HSBP1: variants seen among roughly 807,000 people sequenced by gnomAD.
HSBP1 encodes heat shock factor binding protein 1, also known as heat shock factor-binding protein 1.
A neutral mutation model predicts 9.6 loss-of-function variants in HSBP1; 5 were observed. The observed-to-expected ratio is 0.52, with a 90% CI of 0.27 to 1.09. The LOEUF is 1.09. Among genes scored for constraint, HSBP1 ranks in the 50% least tolerant of loss-of-function variants. HSBP1 has a pLI of 0.11. For missense variants in HSBP1, 121 were observed against 96.3 expected, an observed-to-expected ratio of 1.26 and a Z score of -1.07; for synonymous variants, 42 against 33.3, an observed-to-expected ratio of 1.26 and a Z score of -0.90.
rs912856839 is a variant in HSBP1, at chr16:83,809,314, T to C, written c.122T>C (p.Met41Thr). The C allele has an allele frequency of 6.3e-7, 1 of 1,588,004 alleles. No homozygotes were observed. The highest frequency in any genetic ancestry group is 8.6e-7 in the Non-Finnish European group (1 of 1,164,546). Reference protein sequence around the residue: ...SDQIIGRIDDMSSRIDDLEKN... With the variant: ...SDQIIGRIDDTSSRIDDLEKN... ...TCTTTAACTTCAGCACTTGATGATA[T>C]GAGTAGTCGCATTGATGATCTGGAA... Residue 41 changes from methionine to threonine, a missense_variant, in exon 3 of 4, where the codon ATG becomes ACG. Physicochemically the swap from Met to Thr is moderately conservative, Grantham distance 81 (BLOSUM62 -1). Transcript: ENST00000433866.
chr16:83,807,979 G>C lies in HSBP1; in HGVS notation c.-98G>C. 2 of 1,115,300 alleles carry C rather than the reference G, an allele frequency of 1.8e-6. No homozygotes were observed. Among genetic ancestry groups the C allele is most frequent in the South Asian group, 1.5e-5 (1 of 65,670 alleles). 69.1% of individuals were successfully genotyped at this position (1,115,300 alleles called of 1,614,324 possible). On this transcript the variant is annotated 5_prime_UTR_variant, in exon 1 of 4. Transcript: ENST00000433866. ...TGCCCCGCGGTCCCGCGAGCTGCCAGTCTCGTCGCGAGAAGCAGCGGCCCG... is the reference window on the plus strand; with the variant it reads ...TGCCCCGCGGTCCCGCGAGCTGCCACTCTCGTCGCGAGAAGCAGCGGCCCG...
chr16:83,818,390 C>G lies in HSBP1; in HGVS notation c.*6972C>G, dbSNP rs1904767529. On this transcript the variant is annotated 3_prime_UTR_variant, in exon 4 of 4. Coordinates refer to ENST00000433866, the MANE Select transcript of HSBP1 (RefSeq NM_001537.4). Reference sequence around the variant, plus strand: ...CACTGACCCCAGACATTGTTCCCTGCCATCCACTCTGCCAGACATTTCTTG... The same window carrying G: ...CACTGACCCCAGACATTGTTCCCTGGCATCCACTCTGCCAGACATTTCTTG... The G allele has an allele frequency of 6.6e-6, 1 of 152,220 alleles. No individual in the cohort carries two copies. Among genetic ancestry groups the G allele is most frequent in the African/African-American group, 2.4e-5 (1 of 41,458 alleles). 9.4% of individuals were successfully genotyped at this position (152,220 alleles called of 1,614,324 possible). A position where few individuals can be genotyped will look rare whatever the true frequency, so the allele number is the denominator to read the frequency against.
At chr16:83,811,318 A>G (rs1904595819) in intron 3 of HSBP1, 103 bp from the exon 4 acceptor site, 1 of 152,262 alleles carries the variant, frequency 6.6e-6, no homozygotes, top group South Asian at 2.1e-4. Context: ...AGTTTAACTC[A>G]GTAGGAGAGT....
chr16:83,813,585 C>G lies in HSBP1; in HGVS notation c.*2167C>G, dbSNP rs1007006000. 1.3e-5 allele frequency: 2 copies of G among 152,384 alleles called. No homozygotes were observed. The highest frequency in any genetic ancestry group is 4.8e-5 in the African/African-American group (2 of 41,428). The allele number at this position is 152,384 out of a possible 1,614,324, so 9.4% of individuals were successfully genotyped here. On this transcript the variant is annotated 3_prime_UTR_variant, in exon 4 of 4. Transcript: ENST00000433866. ...AGTCCTGTCTCAGCCTCCCAAAGTG[C>G]TGGGATTACAGGCTGGAGCCACCAT... is the stretch of plus-strand genomic sequence containing the variant.
At chr16:83,808,300 C>A in intron 1 of HSBP1, 179 bp downstream of exon 1, 1 of 589,884 alleles carries the variant, frequency 1.7e-6, no homozygotes. Flanking sequence ...TCGGTGCGGG[C>A]CAGTCTCCCC....
rs1904635214 is a variant in HSBP1 at position 83,812,966 on chromosome 16, A to G, written c.*1548A>G. ...GCTGCCCTGACCAAAAATATCTGCCATGAATAAAGGTGCCTGAAATCCTGC... is the reference window on the plus strand; with the variant it reads ...GCTGCCCTGACCAAAAATATCTGCCGTGAATAAAGGTGCCTGAAATCCTGC... On this transcript the variant is annotated 3_prime_UTR_variant, in exon 4 of 4. Transcript: ENST00000433866. 1 of 152,256 alleles carries G rather than the reference A, an allele frequency of 6.6e-6. No individual in the cohort carries two copies. The highest frequency in any genetic ancestry group is 2.4e-5 in the African/African-American group (1 of 41,474). The allele number at this position is 152,256 out of a possible 1,614,324, so 9.4% of individuals were successfully genotyped here. A position where few individuals can be genotyped will look rare whatever the true frequency, so the allele number is the denominator to read the frequency against.
In HSBP1 at chr16:83,809,297, T is replaced by G. The variant is rs756268081; in HGVS notation, c.113-8T>G. 3 of 1,549,496 alleles carry G rather than the reference T, an allele frequency of 1.9e-6. No individual in the cohort carries two copies. The highest frequency in any genetic ancestry group is 1.2e-5 in the South Asian group (1 of 85,242). On this transcript the variant is annotated splice_region_variant and splice_polypyrimidine_tract_variant and intron_variant, in intron 2 of 3. Transcript: ENST00000433866. ...GATGTTGGCACGCGTTGTCTTTAAC[T>G]TCAGCACTTGATGATATGAGTAGTC...
rs1904693197 is a variant in HSBP1, at chr16:83,815,272, A to G, written c.*3854A>G. The G allele has an allele frequency of 6.6e-6, 1 of 152,196 alleles. No individual in the cohort carries two copies. The highest frequency in any genetic ancestry group is 2.4e-5 in the African/African-American group (1 of 41,434). 9.4% of individuals were successfully genotyped at this position (152,196 alleles called of 1,614,324 possible). A position where few individuals can be genotyped will look rare whatever the true frequency, so the allele number is the denominator to read the frequency against. On this transcript the variant is annotated 3_prime_UTR_variant, in exon 4 of 4. Transcript: ENST00000433866. ...GGAAATAGGAAAAGGGTTTGTTTCAACAAGTCAGGATGACAGTATTTTAAA... is the reference window on the plus strand; with the variant it reads ...GGAAATAGGAAAAGGGTTTGTTTCAGCAAGTCAGGATGACAGTATTTTAAA...
rs1384701193 is a variant in HSBP1 at position 83,819,199 on chromosome 16, C to G, written c.*7781C>G. The G allele has an allele frequency of 6.6e-6, 1 of 152,120 alleles. No homozygotes were observed. Among genetic ancestry groups the G allele is most frequent in the East Asian group, 1.9e-4 (1 of 5,188 alleles). 9.4% of individuals were successfully genotyped at this position (152,120 alleles called of 1,614,324 possible). On this transcript the variant is annotated 3_prime_UTR_variant, in exon 4 of 4. Coordinates refer to ENST00000433866, the MANE Select transcript of HSBP1 (RefSeq NM_001537.4). ...GGGGCACTGATTAGCATGCAGGTCC[C>G]CAGGCCCCCTTTTTGTAGATCCTGA...
In HSBP1 at chr16:83,816,836, C is replaced by T. The variant is rs1567609700; in HGVS notation, c.*5418C>T. The T allele has an allele frequency of 6.6e-6, 1 of 152,170 alleles. No individual in the cohort carries two copies. The highest frequency in any genetic ancestry group is 1.5e-5 in the Non-Finnish European group (1 of 68,056). The allele number at this position is 152,170 out of a possible 1,614,324, so 9.4% of individuals were successfully genotyped here. ...ACGGTTCTGCTGATAGTTTCCGGAC[C>T]CTCAGAGGTGGAGACATAAGAGAAC... On this transcript the variant is annotated 3_prime_UTR_variant, in exon 4 of 4. Transcript: ENST00000433866.
At chr16:83,808,487 C>G (rs1425174988) in intron 1 of HSBP1, 193 bp from the exon 2 acceptor site, 1 of 584,152 alleles carries the variant, frequency 1.7e-6, no homozygotes, top group Non-Finnish European at 3.1e-6. Flanking sequence ...TCGCAGCGGC[C>G]TCCCCAGCCC....
rs1597257821 is a variant in HSBP1, at chr16:83,819,692, A to G, written c.*8274A>G. On this transcript the variant is annotated 3_prime_UTR_variant, in exon 4 of 4. Transcript: ENST00000433866. ...ATAGTAAATATTTTACCAGAAGGAT[A>G]AGTTATTCAGTATGGAGATTATTTA... The G allele has an allele frequency of 6.6e-6, 1 of 152,338 alleles. No individual in the cohort carries two copies. The highest frequency in any genetic ancestry group is 2.1e-4 in the South Asian group (1 of 4,832). The allele number at this position is 152,338 out of a possible 1,614,324, so 9.4% of individuals were successfully genotyped here. A position where few individuals can be genotyped will look rare whatever the true frequency, so the allele number is the denominator to read the frequency against.
At chr16:83,809,466 T>A in intron 3 of HSBP1, 41 bp downstream of exon 3, 7 of 614,956 alleles carry the variant, frequency 1.1e-5, no homozygotes, top group South Asian at 2.7e-5. Flanking sequence ...TCTTTTCTTT[T>A]TTTTTTTTTT....
intron 3 of HSBP1, 22 bp from the exon 4 acceptor site, chr16:83,811,399 A>T (rs1904598014): frequency 6.6e-6 from 1 of 152,250 alleles, no homozygotes; most frequent in Admixed American, 6.5e-5. Context: ...AAACATGTTG[A>T]TGATTTTTCC....
chr16:83,811,240 AC>A (rs1377293834), intron 3 of HSBP1, among the ~76,000 whole-genome samples, 180 bp from the exon 4 acceptor site: 9 of 152,258 alleles, frequency 5.9e-5, no homozygotes, highest in Non-Finnish European at 8.8e-5. Flanking sequence ...GGAGTAGGAA[AC>A]TGACTCTGAA....
chr16:83,809,294 A>G lies in HSBP1; in HGVS notation c.113-11A>G, dbSNP rs867497092. The G allele has an allele frequency of 2.6e-6, 4 of 1,536,182 alleles. No homozygotes were observed. In the Admixed American group the frequency reaches 7.3e-5, roughly 28 times the overall value. ...TGAGATGTTGGCACGCGTTGTCTTTAACTTCAGCACTTGATGATATGAGTA... is the reference window on the plus strand; with the variant it reads ...TGAGATGTTGGCACGCGTTGTCTTTGACTTCAGCACTTGATGATATGAGTA... On this transcript the variant is annotated splice_polypyrimidine_tract_variant and intron_variant, in intron 2 of 3. Coordinates refer to ENST00000433866, the MANE Select transcript of HSBP1 (RefSeq NM_001537.4).
intron 3 of HSBP1, 27 bp from the exon 4 acceptor site, chr16:83,811,392 CAT>C (rs896237413): frequency 2.6e-5 from 4 of 152,186 alleles, no homozygotes; most frequent in African/African-American, 9.7e-5. Context: ...TAATGAAAAA[CAT>C]GTTGATGATT....
chr16:83,818,253 C>G lies in HSBP1; in HGVS notation c.*6835C>G, dbSNP rs1432322083. ...AGGAAGATTCTTTTCCTGGGCCACT[C>G]TCATTTTCTCAAACTTGGACAAGTC... On this transcript the variant is annotated 3_prime_UTR_variant, in exon 4 of 4. Transcript: ENST00000433866. 6.6e-6 allele frequency: 1 copy of G among 152,192 alleles called. No individual in the cohort carries two copies. The highest frequency in any genetic ancestry group is 1.5e-5 in the Non-Finnish European group (1 of 68,042). The allele number at this position is 152,192 out of a possible 1,614,324, so 9.4% of individuals were successfully genotyped here.
At chr16:83,808,215 C>A in intron 1 of HSBP1, 94 bp downstream of exon 1, 1 of 1,095,700 alleles carries the variant, frequency 9.1e-7, no homozygotes, top group Non-Finnish European at 1.3e-6. Flanking sequence ...CGCGGCCGCG[C>A]GTGGCGTCTG....
Sources: gnomAD v4.1 joint callset for allele counts (sites outside exome capture counted in the v4.1 genomes callset) on GRCh38, gnomAD v4.1.1 for gene constraint, MANE v1.5 for transcripts, NCBI Gene and HGNC (gene_info 2026-07-23, HGNC 2026-07-21) for gene names.